Variants in ANKFN1 observed in about 807,000 individuals in gnomAD.
The protein encoded by ANKFN1 is ankyrin repeat and fibronectin type-III domain-containing protein 1.
ANKFN1 carries 74 observed loss-of-function variants against 108.7 expected under a neutral mutation model. The ratio of observed to expected loss-of-function variants is 0.68; its 90% CI spans 0.56 to 0.83. The LOEUF (loss-of-function observed/expected upper bound fraction) is 0.83. Among genes scored for constraint, ANKFN1 ranks in the 40% least tolerant of loss-of-function variants. The pLI is 0.00. For synonymous variants in ANKFN1, 547 were observed against 516.2 expected (o/e 1.06, Z -0.81); for missense variants, 1,505 against 1,382.3 (o/e 1.09, Z -1.41).
At chr17:56,285,233 A>C (rs2144269298) in intron 3 of ANKFN1, among the ~76,000 whole-genome samples, 1 of 152,244 alleles carries the variant, frequency 6.6e-6, no homozygotes. Flanking sequence ...ACAAACTCCT[A>C]GTCTCTAAAG....
chr17:56,052,779 T>C (rs1205229434), intron 4 of ANKFN1, among the ~76,000 whole-genome samples: 1 of 152,104 alleles, frequency 6.6e-6, no homozygotes, highest in Non-Finnish European at 1.5e-5. Context: ...CTCTTACAGG[T>C]TTAAAAATTG....
intron 4 of ANKFN1, among the ~76,000 whole-genome samples, chr17:56,063,030 C>G (rs957868587): frequency 2.6e-5 from 4 of 152,146 alleles, no homozygotes; most frequent in Admixed American, 2.0e-4. Context: ...AAATTCTTTT[C>G]TTTAAGAACG....
At chr17:56,471,914 G>A (rs948419762) in intron 15 of ANKFN1, 2 of 152,242 alleles carry the variant, frequency 1.3e-5, no homozygotes, top group African/African-American at 2.4e-5. Flanking sequence ...GACAGCTAAT[G>A]AATGTGTGGT....
At chr17:56,259,256 T>A (rs2043440306) in intron 3 of ANKFN1, among the ~76,000 whole-genome samples, 1 of 152,164 alleles carries the variant, frequency 6.6e-6, no homozygotes, top group Non-Finnish European at 1.5e-5. Flanking sequence ...GGAGATCATG[T>A]GAGATCCTGA....
At chr17:56,148,297 G>A (rs186889986) in intron 4 of ANKFN1, among the ~76,000 whole-genome samples, 405 of 152,286 alleles carry the variant, frequency 2.7e-3, no homozygotes, top group Admixed American at 5.5e-3. Context: ...AATCCCTTTA[G>A]AAGTGACACT....
chr17:56,459,973 A>G (rs1375262933), intron 14 of ANKFN1, among the ~76,000 whole-genome samples: 1 of 150,912 alleles, frequency 6.6e-6, no homozygotes, highest in Non-Finnish European at 1.5e-5. Flanking sequence ...AAAATATTCC[A>G]TTTTCTCCTT....
In ANKFN1 at chr17:56,103,529, G is replaced by A. The variant is rs193074310; in HGVS notation, c.288+57204G>A. On this transcript the variant is annotated intron_variant, in intron 4 of 12. Coordinates refer to the ANKFN1 transcript ENST00000635860. ...CCCAGGGGCTTGCAGAGGGTTGGGC[G>A]ACAGTGCTCCACCGAGTCCCATTGG... is the stretch of plus-strand genomic sequence containing the variant. Among the ~76,000 whole-genome samples, 11 of 152,282 alleles carry A rather than the reference G, an allele frequency of 7.2e-5. No homozygotes were observed. The East Asian group carries it at 1.5e-3, about 21-fold the overall frequency.
intron 4 of ANKFN1, among the ~76,000 whole-genome samples, chr17:56,097,164 A>G (rs1414354178): frequency 6.6e-6 from 1 of 152,200 alleles, no homozygotes; most frequent in African/African-American, 2.4e-5. Flanking sequence ...TGACAGAATA[A>G]TCTGCACACC....
intron 4 of ANKFN1, among the ~76,000 whole-genome samples, chr17:56,145,838 A>G (rs1321910133): frequency 6.6e-6 from 1 of 152,214 alleles, no homozygotes; most frequent in Admixed American, 6.5e-5. Context: ...AGACAAGGCA[A>G]GTTTTCAAAA....
intron 20 of ANKFN1, among the ~76,000 whole-genome samples, chr17:56,505,882 A>G (rs751614599): frequency 2.0e-5 from 3 of 152,176 alleles, no homozygotes; most frequent in Non-Finnish European, 4.4e-5. Context: ...TGGGAGATCA[A>G]AATACAGACA....
At chr17:56,353,793 C>T (rs747203592) in intron 5 of ANKFN1, 43 bp from the exon 6 acceptor site, 2 of 1,578,366 alleles carry the variant, frequency 1.3e-6, no homozygotes, top group Non-Finnish European at 8.7e-7. Flanking sequence ...CAAAGACACA[C>T]TGGTTTAAGA....
rs929795021 is a variant in ANKFN1 at position 56,100,999 on chromosome 17, G to A, written c.288+54674G>A. On this transcript the variant is annotated intron_variant, in intron 4 of 12. Coordinates refer to the ANKFN1 transcript ENST00000635860. ...TGGTATTTGGAGGTAGGGCCTTTGG[G>A]ACGTAATCAGATTAGGTCATGAGAG... is the stretch of plus-strand genomic sequence containing the variant. 4.6e-5 allele frequency among the ~76,000 whole-genome samples: 7 copies of A among 152,198 alleles called. 1 individual carries two copies. Among genetic ancestry groups the A allele is most frequent in the Admixed American group, 3.3e-4 (5 of 15,286 alleles).
intron 8 of ANKFN1, among the ~76,000 whole-genome samples, chr17:56,421,807 T>C (rs1327855003): frequency 6.6e-6 from 1 of 152,240 alleles, no homozygotes; most frequent in South Asian, 2.1e-4. Context: ...TTAGGAATCA[T>C]AATTTCACTC....
chr17:56,225,669 C>A (rs997672516), intron 2 of ANKFN1, among the ~76,000 whole-genome samples: 1 of 152,152 alleles, frequency 6.6e-6, no homozygotes, highest in Non-Finnish European at 1.5e-5. Context: ...TCAGGTTTTT[C>A]TTTGTCTGTT....
intron 3 of ANKFN1, among the ~76,000 whole-genome samples, chr17:56,300,680 C>T (rs2044647510): frequency 6.6e-6 from 1 of 151,490 alleles, no homozygotes; most frequent in African/African-American, 2.4e-5. Context: ...AGGAGCAATG[C>T]ATTTGAGAAA....
intron 20 of ANKFN1, among the ~76,000 whole-genome samples, chr17:56,507,543 T>G (rs1380143200): frequency 6.6e-6 from 1 of 152,176 alleles, no homozygotes; most frequent in African/African-American, 2.4e-5. Flanking sequence ...TTCCTTCAGC[T>G]TTGCTACCCA....
At chr17:56,481,425 G>C (rs1393998479) in intron 17 of ANKFN1, among the ~76,000 whole-genome samples, 1 of 151,990 alleles carries the variant, frequency 6.6e-6, no homozygotes, top group East Asian at 1.9e-4. Flanking sequence ...GTTAACATGA[G>C]GTAGCATTAT....
At chr17:56,335,650 G>C (rs1295753993) in intron 4 of ANKFN1, among the ~76,000 whole-genome samples, 1 of 152,146 alleles carries the variant, frequency 6.6e-6, no homozygotes, top group African/African-American at 2.4e-5. Context: ...ATACAATCAT[G>C]TCATCTGCAA....
At chr17:56,375,340 A>G (rs2046917954) in intron 8 of ANKFN1, among the ~76,000 whole-genome samples, 1 of 152,226 alleles carries the variant, frequency 6.6e-6, no homozygotes, top group African/African-American at 2.4e-5. Flanking sequence ...AGAACATACC[A>G]GGACAGGTAG....
Sources: allele counts gnomAD v4.1 joint callset (sites outside exome capture counted in the v4.1 genomes callset), GRCh38; gene constraint gnomAD v4.1.1; transcripts MANE v1.5; gene names NCBI Gene and HGNC (gene_info 2026-07-23, HGNC 2026-07-21).